ADGB: variants seen among roughly 807,000 people sequenced by gnomAD.
The protein encoded by ADGB is androglobin, also known as calpain-7-like protein.
In ADGB, 172 loss-of-function variants were observed where a neutral mutation model predicts 210.5. The ratio of observed to expected loss-of-function variants is 0.82; its 90% CI spans 0.72 to 0.93. The LOEUF (loss-of-function observed/expected upper bound fraction) is 0.93, where lower values mean the gene tolerates loss of function less well. ADGB is among the 40% of genes least tolerant of loss of function. The pLI is 0.00. For missense variants in ADGB, 2,025 were observed against 1,964.8 expected (o/e 1.03, Z -0.58); for synonymous variants, 658 against 662.7 (o/e 0.99, Z 0.11).
At chr6:146,749,982 C>G (rs1016942679) in intron 26 of ADGB, among the ~76,000 whole-genome samples, 1 of 152,090 alleles carries the variant, frequency 6.6e-6, no homozygotes, top group African/African-American at 2.4e-5. Context: ...TATCATAATT[C>G]AACATGAGAT....
chr6:146,631,426 C>T (rs1399866755), intron 1 of ADGB, among the ~76,000 whole-genome samples: 1 of 151,990 alleles, frequency 6.6e-6, no homozygotes, highest in Non-Finnish European at 1.5e-5. Context: ...TTTATGAACC[C>T]GAAGCTGGAA....
chr6:146,651,368 C>T (rs939268248), intron 3 of ADGB, among the ~76,000 whole-genome samples: 13 of 152,140 alleles, frequency 8.5e-5, no homozygotes, highest in African/African-American at 1.9e-4. Context: ...CAAATTTGGC[C>T]GCTCACTGCC....
chr6:146,805,925 C>T, intron 35 of ADGB, among the ~76,000 whole-genome samples: 1 of 152,088 alleles, frequency 6.6e-6, no homozygotes, highest in Non-Finnish European at 1.5e-5. Flanking sequence ...TTTGATTGTT[C>T]TCTGCTACAA....
chr6:146,713,742 T>C (rs558412320), intron 13 of ADGB, among the ~76,000 whole-genome samples: 4 of 151,940 alleles, frequency 2.6e-5, no homozygotes, highest in African/African-American at 9.6e-5. Context: ...GAAGTTTTCT[T>C]TTTTTTTATT....
intron 1 of ADGB, among the ~76,000 whole-genome samples, chr6:146,616,586 G>A (rs762296506): frequency 9.2e-5 from 14 of 151,976 alleles, no homozygotes; most frequent in East Asian, 5.8e-4. Context: ...TGTTTAATCC[G>A]TTTTGACTTG....
At chr6:146,604,226 C>T (rs148307346) in intron 1 of ADGB, among the ~76,000 whole-genome samples, 1,854 of 152,204 alleles carry the variant, frequency 0.012, 15 homozygotes, top group Middle Eastern at 0.031. Context: ...AATAGTCATT[C>T]CAAATATCAT....
intron 3 of ADGB, among the ~76,000 whole-genome samples, chr6:146,646,594 G>T (rs1453288508): frequency 3.3e-5 from 5 of 152,062 alleles, no homozygotes; most frequent in Non-Finnish European, 7.4e-5. Flanking sequence ...CACCTGAAAA[G>T]AAACCTTTCA....
intron 27 of ADGB, among the ~76,000 whole-genome samples, chr6:146,758,231 G>A (rs1459528811): frequency 6.6e-6 from 1 of 151,958 alleles, no homozygotes; most frequent in African/African-American, 2.4e-5. Context: ...CAGTCAGAAT[G>A]CTGTTTTTAA....
At chr6:146,616,290 GTTGT>G (rs1780798771) in intron 1 of ADGB, among the ~76,000 whole-genome samples, 1 of 147,826 alleles carries the variant, frequency 6.8e-6, no homozygotes, top group Non-Finnish European at 1.5e-5. Context: ...TTGCTATTGA[GTTGT>G]TTAAGTTTTC....
chr6:146,599,004 TGCTCAGA>T lies in ADGB; in HGVS notation c.-30_-24del, dbSNP rs536386324. On this transcript the variant is annotated 5_prime_UTR_variant, in exon 1 of 36. Transcript: ENST00000397944. The stretch of plus-strand genomic sequence containing the variant: ...GAGCCGAGCGCGCCCGCAGGCTCTT[TGCTCAGA>T]GCTCAGCCCTACATAGATCGGCTTC... The T allele has an allele frequency of 1.2e-3, 1,808 of 1,536,400 alleles. 2 individuals carry two copies. The Middle Eastern group carries it at 0.013, about 11-fold the overall frequency.
At chr6:146,639,335 G>A (rs1775473151) in intron 2 of ADGB, 2 of 151,908 alleles carry the variant, frequency 1.3e-5, no homozygotes, top group Non-Finnish European at 2.9e-5. Context: ...ATGGGAAATG[G>A]TTAAAAACTC....
At chr6:146,788,635 A>C (rs1315399824) in intron 33 of ADGB, 25 bp downstream of exon 33, 1 of 1,530,940 alleles carries the variant, frequency 6.5e-7, no homozygotes, top group East Asian at 2.5e-5. Flanking sequence ...CATTGGTAAC[A>C]TAAACATGTA....
chr6:146,807,347 G>T, intron 35 of ADGB: 1 of 1,503,700 alleles, frequency 6.7e-7, no homozygotes, highest in Non-Finnish European at 8.9e-7. Flanking sequence ...TTTCTTTCTG[G>T]GAACGTAAGC....
intron 10 of ADGB, among the ~76,000 whole-genome samples, chr6:146,686,167 A>G (rs919969456): frequency 6.6e-6 from 1 of 152,102 alleles, no homozygotes; most frequent in African/African-American, 2.4e-5. Flanking sequence ...TTCCCAGGTA[A>G]TAATTAATGA....
intron 33 of ADGB, among the ~76,000 whole-genome samples, chr6:146,793,176 G>T (rs902776949): frequency 6.6e-6 from 1 of 152,098 alleles, no homozygotes; most frequent in Non-Finnish European, 1.5e-5. Flanking sequence ...GACTCCTGAT[G>T]AGTGGCGCAT....
intron 12 of ADGB, 36 bp from the exon 13 acceptor site, chr6:146,700,905 A>G (rs1043920736): frequency 6.5e-7 from 1 of 1,531,022 alleles, no homozygotes; most frequent in African/African-American, 1.4e-5. Flanking sequence ...CAGAAGATCA[A>G]AATAACAGAA....
chr6:146,716,517 C>T (rs921898941), intron 14 of ADGB, among the ~76,000 whole-genome samples: 4 of 121,438 alleles, frequency 3.3e-5, no homozygotes, highest in Non-Finnish European at 6.1e-5. Flanking sequence ...GGCGTGAACC[C>T]GGGAAGCGGA....
At chr6:146,730,234 A>G (rs1776959560) in intron 20 of ADGB, among the ~76,000 whole-genome samples, 1 of 152,188 alleles carries the variant, frequency 6.6e-6, no homozygotes, top group Non-Finnish European at 1.5e-5. Flanking sequence ...ATAACTAGAA[A>G]TAAAATCTCC....
chr6:146,642,417 A>G (rs920280294), intron 2 of ADGB, among the ~76,000 whole-genome samples: 7 of 152,018 alleles, frequency 4.6e-5, no homozygotes, highest in African/African-American at 1.7e-4. Context: ...TCATTCTACC[A>G]TAGAGACACA....
Sources: gnomAD v4.1 joint callset for allele counts (sites outside exome capture counted in the v4.1 genomes callset) on GRCh38, gnomAD v4.1.1 for gene constraint, MANE v1.5 for transcripts, NCBI Gene and HGNC (gene_info 2026-07-23, HGNC 2026-07-21) for gene names.